Variants in TBC1D9 observed in about 807,000 individuals in gnomAD.
The protein encoded by TBC1D9 is TBC1 domain family member 9.
In TBC1D9, 63 loss-of-function variants were observed where a neutral mutation model predicts 132.0. The observed-to-expected ratio is 0.48, with a 90% CI of 0.39 to 0.59. The LOEUF is 0.59. Among genes scored for constraint, TBC1D9 ranks in the 20% least tolerant of loss-of-function variants. The pLI is 0.00. For synonymous variants in TBC1D9, 610 were observed against 609.9 expected (o/e 1.00, Z 0.00); for missense variants, 1,261 against 1,592.7 (o/e 0.79, Z 3.54).
At position 140,623,022 on chromosome 4, in the gene TBC1D9, T is replaced by G. The variant is rs188536739; in HGVS notation, c.3079-105A>C. The G allele has an allele frequency of 3.4e-4, 455 of 1,353,204 alleles. 4 individuals carry two copies. In the East Asian group the frequency reaches 9.5e-3, roughly 28 times the overall value. The allele number at this position is 1,353,204 out of a possible 1,614,324, so 83.8% of individuals were successfully genotyped here. ...TTAAATGAGAACGCCTAAAGATCCC[T>G]GGAAAGTCCTCCGCCTAGGCTGGAT... On this transcript the variant is annotated intron_variant, in intron 20 of 20. Coordinates refer to ENST00000442267, the MANE Select transcript of TBC1D9 (RefSeq NM_015130.3).
intron 2 of TBC1D9, among the ~76,000 whole-genome samples, chr4:140,694,794 T>C (rs1048464229): frequency 9.3e-6 from 1 of 107,340 alleles, no homozygotes; most frequent in Non-Finnish European, 1.7e-5. Context: ...TTTTTTAAAG[T>C]CTGAAAGTGA....
chr4:140,737,390 CTCTG>C (rs1294803320), intron 1 of TBC1D9, among the ~76,000 whole-genome samples: 1 of 151,884 alleles, frequency 6.6e-6, no homozygotes, highest in Admixed American at 6.6e-5. Context: ...TTCTCTATCT[CTCTG>C]TCTATCTCTG....
chr4:140,755,112 AT>A (rs1738988590), intron 1 of TBC1D9, among the ~76,000 whole-genome samples: 1 of 152,114 alleles, frequency 6.6e-6, no homozygotes, highest in South Asian at 2.1e-4. Context: ...AGTTCTGTTC[AT>A]TCTAAATAAC....
chr4:140,748,966 A>C (rs1292260868), intron 1 of TBC1D9, among the ~76,000 whole-genome samples: 1 of 152,244 alleles, frequency 6.6e-6, no homozygotes, highest in Non-Finnish European at 1.5e-5. Flanking sequence ...TAAGAATTAA[A>C]ATATACTATT....
At chr4:140,692,450 A>G (rs111714649) in intron 2 of TBC1D9, among the ~76,000 whole-genome samples, 165 of 152,322 alleles carry the variant, frequency 1.1e-3, no homozygotes, top group African/African-American at 3.7e-3. Flanking sequence ...ATTACTCCAT[A>G]TACTGGAGCA....
intron 13 of TBC1D9, among the ~76,000 whole-genome samples, chr4:140,647,986 C>G (rs1737128170): frequency 6.6e-6 from 1 of 152,148 alleles, no homozygotes; most frequent in Non-Finnish European, 1.5e-5. Flanking sequence ...AAAAATAGGA[C>G]AAACAAAACT....
At position 140,662,026 on chromosome 4, in the gene TBC1D9, G is replaced by C; in HGVS notation, c.1670C>G (p.Thr557Arg). The part of the protein sequence containing the change: ...EKSMGKYNLA[T>R]EEIERDLHRS... ...GTGTAAATCCCTCTCAATCTCCTCC[G>C]TGGCGAGATTATACTTCCCCATGGA... is the stretch of plus-strand genomic sequence containing the variant. The change falls in exon 10 of 21, where the codon ACG becomes AGG. Residue 557 changes from threonine to arginine, a missense_variant. Physicochemically the swap from Thr to Arg is moderately conservative, Grantham distance 71. This residue lies in a region of TBC1D9 where 550 missense variants were observed against 699.0 expected (regional missense o/e 0.79). Transcript: ENST00000442267. 1 of 1,613,748 alleles carries C rather than the reference G, an allele frequency of 6.2e-7. No individual in the cohort carries two copies. Among genetic ancestry groups the C allele is most frequent in the Non-Finnish European group, 8.5e-7 (1 of 1,179,768 alleles).
intron 16 of TBC1D9, 151 bp downstream of exon 16, chr4:140,633,797 T>C (rs1354185269): frequency 3.4e-6 from 3 of 876,676 alleles, no homozygotes; most frequent in Non-Finnish European, 5.1e-6. Flanking sequence ...GAGGCAACGA[T>C]TTATCCATAT....
chr4:140,684,693 AGTG>A (rs1365776056), intron 3 of TBC1D9, among the ~76,000 whole-genome samples: 2 of 150,364 alleles, frequency 1.3e-5, no homozygotes, highest in Non-Finnish European at 3.0e-5. Context: ...GCTGGAGTGC[AGTG>A]GTGCAATCAT....
intron 5 of TBC1D9, among the ~76,000 whole-genome samples, chr4:140,678,689 A>T (rs1251140319): frequency 2.6e-5 from 4 of 151,804 alleles, no homozygotes. Flanking sequence ...TGAGGCTATC[A>T]CTCCCCATGT....
At chr4:140,670,600 G>A in intron 7 of TBC1D9, 120 bp downstream of exon 7, 2 of 737,334 alleles carry the variant, frequency 2.7e-6, no homozygotes, top group Non-Finnish European at 4.5e-6. Context: ...ATATTGCTGA[G>A]ATATTGCTTT....
chr4:140,677,017 G>A lies in TBC1D9; in HGVS notation c.936C>T (p.Asp312=). ...PKDEKLDGHT[D]CTLWTPFNKM... is the part of the protein sequence containing the mutation. ...TGTTAAATGGAGTCCAGAGAGTGCAGTCTGTGTGGCCATCTAATTTTTCAT... is the reference window on the plus strand; with the variant it reads ...TGTTAAATGGAGTCCAGAGAGTGCAATCTGTGTGGCCATCTAATTTTTCAT... The change falls in exon 6 of 21, where the codon GAC becomes GAT. Residue 312 remains aspartate, a synonymous_variant. Transcript: ENST00000442267. 1 of 1,613,982 alleles carries A rather than the reference G, an allele frequency of 6.2e-7. No individual in the cohort carries two copies. Among genetic ancestry groups the A allele is most frequent in the Non-Finnish European group, 8.5e-7 (1 of 1,179,892 alleles).
chr4:140,635,450 G>A (rs915887780), intron 15 of TBC1D9, among the ~76,000 whole-genome samples: 5 of 152,108 alleles, frequency 3.3e-5, no homozygotes, highest in African/African-American at 4.8e-5. Context: ...CCACTGCACT[G>A]TAGCCTGGGT....
chr4:140,672,249 T>C (rs954284523), intron 6 of TBC1D9, among the ~76,000 whole-genome samples: 1 of 148,936 alleles, frequency 6.7e-6, no homozygotes, highest in Admixed American at 6.7e-5. Flanking sequence ...TAAACATACA[T>C]TATAGAATAT....
In TBC1D9 at chr4:140,624,354, T is replaced by C; in HGVS notation, c.2934A>G (p.Ala978=). 1 of 1,613,862 alleles carries C rather than the reference T, an allele frequency of 6.2e-7. No homozygotes were observed. Among genetic ancestry groups the C allele is most frequent in the Admixed American group, 1.7e-5 (1 of 60,004 alleles). ...GGCTCACCGTAACAAAGCCATCATCTGCACCCTGTTTGCTTCTGCTATCCA... is the reference window on the plus strand; with the variant it reads ...GGCTCACCGTAACAAAGCCATCATCCGCACCCTGTTTGCTTCTGCTATCCA... The part of the protein sequence containing the change: ...VGLDSRSKQG[A]DDGFVTVSLK... The change falls in exon 19 of 21, where the codon GCA becomes GCG. Residue 978 remains alanine, a synonymous_variant. Transcript: ENST00000442267.
rs753697224 is a variant in TBC1D9 at position 140,659,312 on chromosome 4, G to A, written c.1921+276C>T. The A allele has an allele frequency of 5.4e-5, 14 of 257,096 alleles. 1 individual carries two copies. Among genetic ancestry groups the A allele is most frequent in the Non-Finnish European group, 8.8e-5 (12 of 136,624 alleles). The allele number at this position is 257,096 out of a possible 1,614,324, so 15.9% of individuals were successfully genotyped here. ...TTTGTGTTAATGGTGCACATACCTG[G>A]TGTAGCTCTCACATGTCAGAGTGAC... On this transcript the variant is annotated intron_variant, in intron 11 of 20. Transcript: ENST00000442267.
At chr4:140,703,670 A>T (rs1738106877) in intron 1 of TBC1D9, among the ~76,000 whole-genome samples, 1 of 152,152 alleles carries the variant, frequency 6.6e-6, no homozygotes, top group African/African-American at 2.4e-5. Context: ...ATCCATTTAG[A>T]TTCACTCCAA....
Position 140,756,325 on chromosome 4 carries a change from C to G in TBC1D9, c.-280G>C, listed in dbSNP as rs1739016685. 6.6e-6 allele frequency among the ~76,000 whole-genome samples: 1 copy of G among 151,936 alleles called. No individual in the cohort carries two copies. The highest frequency in any genetic ancestry group is 2.4e-5 in the African/African-American group (1 of 41,382). ...GCGAGAGCCCGCGGCCGCAGACGCC[C>G]GGCCTGGCACTCTGCAGCCCGGCTC... is the stretch of plus-strand genomic sequence containing the variant. On this transcript the variant is annotated 5_prime_UTR_variant, in exon 1 of 21. Coordinates refer to ENST00000442267, the MANE Select transcript of TBC1D9 (RefSeq NM_015130.3). The surrounding 1 kb of genome is among the most constrained non-coding windows in gnomAD (Gnocchi z 5.6).
Position 140,622,240 on chromosome 4 carries a change from G to A in TBC1D9, c.3756C>T (p.Pro1252=), listed in dbSNP as rs961243242. ...TTTCATAGTCACTGGCCGAGGTGAG[G>A]GGCTTGCCCATCATCCGGATGTTTT... The part of the protein sequence containing the change: ...SAKNIRMMGK[P]LTSASDYEIS... The change falls in exon 21 of 21, where the codon CCC becomes CCT. Residue 1252 remains proline, a synonymous_variant. Coordinates refer to ENST00000442267, the MANE Select transcript of TBC1D9 (RefSeq NM_015130.3). The A allele has an allele frequency of 1.7e-5, 27 of 1,598,522 alleles. No individual in the cohort carries two copies. The highest frequency in any genetic ancestry group is 3.3e-5 in the Admixed American group (2 of 59,782).
Sources: gnomAD v4.1 joint callset for allele counts (sites outside exome capture counted in the v4.1 genomes callset) on GRCh38, gnomAD v4.1.1 for gene constraint, gnomAD v4.1.1 regional missense constraint, Gnocchi (gnomAD v3.1) non-coding constraint, MANE v1.5 for transcripts, NCBI Gene and HGNC (gene_info 2026-07-23, HGNC 2026-07-21) for gene names.